Variants in SLC12A6 observed in about 807,000 individuals in gnomAD.
SLC12A6 encodes K-Cl cotransporter 3.
A neutral mutation model predicts 135.3 loss-of-function variants in SLC12A6; 66 were observed. The ratio of observed to expected loss-of-function variants is 0.49; its 90% confidence interval spans 0.40 to 0.60. The LOEUF is 0.60. SLC12A6 is among the 20% of genes least tolerant of loss of function. SLC12A6 has a pLI of 0.00. For synonymous variants in SLC12A6, 513 were observed against 508.8 expected, an observed-to-expected ratio of 1.01 and a Z score of -0.11; for missense variants, 1,058 against 1,452.3, an observed-to-expected ratio of 0.73 and a Z score of 4.41.
At chr15:34,324,719 G>C (rs148102541) in intron 2 of SLC12A6, among the ~76,000 whole-genome samples, 1,798 of 152,240 alleles carry the variant, frequency 0.012, 14 homozygotes, top group Middle Eastern at 0.037. Flanking sequence ...AGGGCTACCG[G>C]TAGGGAAAGA....
At chr15:34,284,858 T>C (rs1894939985) in intron 2 of SLC12A6, among the ~76,000 whole-genome samples, 1 of 152,230 alleles carries the variant, frequency 6.6e-6, no homozygotes, top group Non-Finnish European at 1.5e-5. Context: ...TCAGATAATG[T>C]GACATCTGAG....
rs1338605534 is a variant in SLC12A6, at chr15:34,236,741, G to A, written c.3009C>T (p.His1003=). 4.4e-6 allele frequency: 7 copies of A among 1,609,064 alleles called. No individual in the cohort carries two copies. In the East Asian group the frequency reaches 1.1e-4, roughly 26 times the overall value. Residue 1003 remains histidine, a synonymous_variant, in exon 23 of 26, where the codon CAC becomes CAT. Transcript: ENST00000354181. ...CTCGCTCTGTTTTGGATAGCCGCAT[G>A]TGCCGGAGCATCTGGGACCTTTGTT... ...MMEQRSQMLR[H]MRLSKTERDR...
At chr15:34,263,638 A>G (rs1443659048) in intron 3 of SLC12A6, among the ~76,000 whole-genome samples, 1 of 152,126 alleles carries the variant, frequency 6.6e-6, no homozygotes, top group Non-Finnish European at 1.5e-5. Flanking sequence ...ATATAATTAC[A>G]GAGTCTGGAA....
rs369793136 is a variant in SLC12A6, at chr15:34,336,451, G to A, written c.230C>T (p.Pro77Leu). The change falls in exon 2 of 26, where the codon CCA becomes CTA. Residue 77 changes from proline (P) to leucine (L), a missense_variant. This residue lies in a region of SLC12A6 where 176 missense variants were observed against 168.9 expected (regional missense o/e 1.04). Coordinates refer to ENST00000354181, the MANE Select transcript of SLC12A6 (RefSeq NM_001365088.1). The part of the protein sequence containing the change: ...TTSLATVALD[P>L]PSDRTSHPQD... ...GGGGTGAGAAGTCCGGTCACTGGGT[G>A]GATCCAGTGCAACAGTTGCCAGCGA... 2 of 1,613,114 alleles carry A rather than the reference G, an allele frequency of 1.2e-6. No homozygotes were observed. The highest frequency in any genetic ancestry group is 4.5e-5 in the East Asian group (2 of 44,890).
intron 3 of SLC12A6, among the ~76,000 whole-genome samples, chr15:34,273,459 C>T (rs1267057981): frequency 6.6e-6 from 1 of 152,186 alleles, no homozygotes; most frequent in Non-Finnish European, 1.5e-5. Flanking sequence ...CAAATATATA[C>T]TGAGTGCCTA....
intron 2 of SLC12A6, among the ~76,000 whole-genome samples, chr15:34,334,715 T>C (rs1377055351): frequency 6.6e-6 from 1 of 152,216 alleles, no homozygotes. Context: ...ATGTGTTATA[T>C]AGAGAACCAA....
chr15:34,331,872 A>C (rs1447061742), intron 2 of SLC12A6, among the ~76,000 whole-genome samples: 1 of 152,106 alleles, frequency 6.6e-6, no homozygotes, highest in Non-Finnish European at 1.5e-5. Flanking sequence ...TCTCTCACAA[A>C]AACTTGGTTA....
At chr15:34,310,592 TC>T (rs1368572175) in intron 2 of SLC12A6, among the ~76,000 whole-genome samples, 9 of 80,670 alleles carry the variant, frequency 1.1e-4, no homozygotes, top group Non-Finnish European at 1.5e-4. Context: ...TGTGTGTGTG[TC>T]CCCGTGTCCA....
chr15:34,252,350 T>C lies in SLC12A6; in HGVS notation c.1153A>G (p.Arg385Gly), dbSNP rs371563831. The change falls in exon 10 of 26, where the codon AGA (arginine) becomes GGA (glycine). Residue 385 changes from arginine to glycine, a missense_variant. This residue lies in a region of SLC12A6 where 297 missense variants were observed against 318.5 expected (regional missense o/e 0.93). Coordinates refer to ENST00000354181, the MANE Select transcript of SLC12A6 (RefSeq NM_001365088.1). ...GTCTTAGAGCAAACGTCAATGTGTC[T>C]TGATGAAAGGGTGCGGTTACCCAGC... is the stretch of plus-strand genomic sequence containing the variant. The part of the protein sequence containing the change: ...CMLGNRTLSS[R>G]HIDVCSKTKE... 3.7e-6 allele frequency: 6 copies of C among 1,612,686 alleles called. No individual in the cohort carries two copies. Among genetic ancestry groups the C allele is most frequent in the Non-Finnish European group, 5.1e-6 (6 of 1,178,962 alleles).
chr15:34,285,030 G>T (rs938878281), intron 2 of SLC12A6, among the ~76,000 whole-genome samples: 1 of 152,176 alleles, frequency 6.6e-6, no homozygotes. Context: ...AATAAGAGAT[G>T]GATATAGATG....
At chr15:34,306,161 G>A (rs532954931) in intron 2 of SLC12A6, among the ~76,000 whole-genome samples, 1 of 152,274 alleles carries the variant, frequency 6.6e-6, no homozygotes, top group African/African-American at 2.4e-5. Flanking sequence ...GTTTATCTTT[G>A]TCACCTCATG....
intron 2 of SLC12A6, among the ~76,000 whole-genome samples, chr15:34,285,067 C>T (rs1376205232): frequency 2.0e-5 from 3 of 152,112 alleles, no homozygotes; most frequent in African/African-American, 4.8e-5. Context: ...AGATCATGTG[C>T]GGCCTTGTAG....
chr15:34,250,257 C>A (rs1202732395), intron 13 of SLC12A6, 41 bp downstream of exon 13: 1 of 1,049,926 alleles, frequency 9.5e-7, no homozygotes, highest in Admixed American at 1.7e-5. Flanking sequence ...GAAGTCATGG[C>A]AGACACACAC....
chr15:34,282,689 T>C (rs1006395046), intron 2 of SLC12A6, among the ~76,000 whole-genome samples: 2 of 152,176 alleles, frequency 1.3e-5, no homozygotes, highest in Non-Finnish European at 2.9e-5. Context: ...AAGTTCAAGG[T>C]TGCAATGAGC....
intron 2 of SLC12A6, among the ~76,000 whole-genome samples, chr15:34,296,832 A>C (rs1895907551): frequency 6.6e-6 from 1 of 151,894 alleles, no homozygotes; most frequent in Non-Finnish European, 1.5e-5. Flanking sequence ...AGAGAAATTA[A>C]GAAGAGATAA....
chr15:34,235,563 T>C (rs1388529692), intron 24 of SLC12A6, among the ~76,000 whole-genome samples: 2 of 150,520 alleles, frequency 1.3e-5, no homozygotes, highest in Non-Finnish European at 2.9e-5. Context: ...GCCTCCCGAG[T>C]AGCTGGGATT....
intron 1 of SLC12A6, 99 bp downstream of exon 1, chr15:34,337,233 G>T (rs949370118): frequency 1.7e-5 from 3 of 175,718 alleles, no homozygotes; most frequent in South Asian, 1.1e-4. Flanking sequence ...GGTCTGGCTG[G>T]GGGGAGGTGT....
intron 2 of SLC12A6, among the ~76,000 whole-genome samples, chr15:34,282,588 T>G (rs1894759857): frequency 6.6e-6 from 1 of 151,622 alleles, no homozygotes; most frequent in Admixed American, 6.6e-5. Context: ...CCCCATCTCT[T>G]AAAAAAGAAA....
intron 13 of SLC12A6, among the ~76,000 whole-genome samples, chr15:34,246,953 G>C (rs1892034357): frequency 6.6e-6 from 1 of 152,130 alleles, no homozygotes; most frequent in Admixed American, 6.5e-5. Context: ...GCCCAGCTAA[G>C]TTATGGCAGA....
Sources: allele counts gnomAD v4.1 joint callset (sites outside exome capture counted in the v4.1 genomes callset), GRCh38; gene constraint gnomAD v4.1.1; regional missense constraint gnomAD v4.1.1; transcripts MANE v1.5; gene names NCBI Gene and HGNC (gene_info 2026-07-23, HGNC 2026-07-21).